Variants in FBRSL1 observed in about 807,000 individuals in gnomAD.
FBRSL1 encodes the protein fibrosin-1-like protein.
FBRSL1 carries 51 observed loss-of-function variants against 89.6 expected under a neutral mutation model. The ratio of observed to expected loss-of-function variants is 0.57; its 90% CI spans 0.45 to 0.72. The LOEUF (loss-of-function observed/expected upper bound fraction) is 0.72, where lower values mean the gene tolerates loss of function less well. Ranked by LOEUF, FBRSL1 falls within the 30% of genes least tolerant of loss-of-function variation. FBRSL1 has a pLI of 0.00. For missense variants in FBRSL1, 1,618 were observed against 1,451.8 expected (o/e 1.11, Z -1.86); for synonymous variants, 779 against 681.1 (o/e 1.14, Z -2.24).
intron 2 of FBRSL1, chr12:132,509,094 G>C: frequency 5.7e-6 from 7 of 1,231,750 alleles, no homozygotes; most frequent in Non-Finnish European, 7.1e-6. Flanking sequence ...TGCCTCCTGG[G>C]CCCGGGCTGG....
intron 15 of FBRSL1, among the ~76,000 whole-genome samples, chr12:132,579,061 C>T (rs2040574611): frequency 6.6e-6 from 1 of 152,214 alleles, no homozygotes. Flanking sequence ...CCTCCCCTTC[C>T]CTCCTCTGGA....
intron 2 of FBRSL1, chr12:132,509,610 C>T (rs938636829): frequency 8.9e-6 from 11 of 1,231,580 alleles, no homozygotes; most frequent in African/African-American, 4.7e-5. Context: ...CCTGGCCCCA[C>T]GGTCCCTCCT....
Position 132,583,203 on chromosome 12 carries a change from G to T in FBRSL1, c.2434G>T (p.Val812Leu). 1 of 1,445,868 alleles carries T rather than the reference G, an allele frequency of 6.9e-7. No individual in the cohort carries two copies. Among genetic ancestry groups the T allele is most frequent in the Non-Finnish European group, 9.1e-7 (1 of 1,102,366 alleles). 89.6% of individuals were successfully genotyped at this position (1,445,868 alleles called of 1,614,324 possible). A position where few individuals can be genotyped will look rare whatever the true frequency, so the allele number is the denominator to read the frequency against. The change falls in exon 19 of 19, where the codon GTG (valine) becomes TTG (leucine). Residue 812 changes from valine (V) to leucine (L), a missense_variant. By Grantham distance (32) the Val-to-Leu change is conservative. Coordinates refer to ENST00000680143, the MANE Select transcript of FBRSL1 (RefSeq NM_001367871.1). ...PPHSKAAPGD[V>L]KVKEERGEDE... ...CCACAGCAAGGCGGCCCCTGGAGAC[G>T]TGAAGGTCAAGGAGGAGCGCGGGGA...
intron 1 of FBRSL1, among the ~76,000 whole-genome samples, chr12:132,498,231 CAGTG>C (rs1037155328): frequency 1.3e-5 from 2 of 152,166 alleles, no homozygotes; most frequent in African/African-American, 4.8e-5. Flanking sequence ...CCCTCGCTCA[CAGTG>C]AGGCCTGTGT....
intron 1 of FBRSL1, among the ~76,000 whole-genome samples, chr12:132,491,164 G>A (rs2030861851): frequency 6.6e-6 from 1 of 152,250 alleles, no homozygotes; most frequent in Non-Finnish European, 1.5e-5. Flanking sequence ...TTTATCAGTT[G>A]TGTTTCTGTG....
intron 5 of FBRSL1, among the ~76,000 whole-genome samples, chr12:132,558,450 A>G (rs1214421044): frequency 6.6e-6 from 1 of 152,276 alleles, no homozygotes; most frequent in Non-Finnish European, 1.5e-5. Flanking sequence ...TGCGCCCGGA[A>G]GTGCCTATGT....
chr12:132,519,960 G>A (rs2035199171), intron 2 of FBRSL1, among the ~76,000 whole-genome samples: 1 of 150,896 alleles, frequency 6.6e-6, no homozygotes, highest in African/African-American at 2.4e-5. Context: ...TTGAGTATGT[G>A]TGGAAGAGAG....
chr12:132,492,418 G>A (rs1023081938), intron 1 of FBRSL1, among the ~76,000 whole-genome samples: 9 of 151,984 alleles, frequency 5.9e-5, no homozygotes, highest in Admixed American at 2.0e-4. Context: ...CTCCATTTTC[G>A]TCTCCCACAA....
At chr12:132,504,309 G>A (rs886237315) in intron 1 of FBRSL1, among the ~76,000 whole-genome samples, 1 of 152,228 alleles carries the variant, frequency 6.6e-6, no homozygotes, top group African/African-American at 2.4e-5. Context: ...GTTCACTGTA[G>A]CGTGATTAGG....
At chr12:132,552,814 C>T (rs935447034) in intron 5 of FBRSL1, 1 of 167,460 alleles carries the variant, frequency 6.0e-6, no homozygotes, top group Non-Finnish European at 1.3e-5. Context: ...CGTGGACACT[C>T]ACCCCGCAGG....
rs148248872 is a variant in FBRSL1, at chr12:132,535,886, G to A, written c.615+7898G>A. 8.7e-3 allele frequency among the ~76,000 whole-genome samples: 1,305 copies of A among 150,468 alleles called. 24 individuals are homozygous for A. Among genetic ancestry groups the A allele is most frequent in the African/African-American group, 0.031 (1,239 of 40,588 alleles). ...TGTCCATGATGGTGTGAGTGCACGT[G>A]TCCATGGTGTGTGAGTGCACGTGTG... On this transcript the variant is annotated intron_variant, in intron 4 of 18. Transcript: ENST00000680143.
At chr12:132,525,844 G>T in intron 3 of FBRSL1, 21 bp downstream of exon 3, 1 of 1,534,360 alleles carries the variant, frequency 6.5e-7, no homozygotes. Context: ...AGCTGCCCGC[G>T]CCCGGAGGCT....
At chr12:132,551,113 A>G (rs1381880256) in intron 5 of FBRSL1, 8 of 333,502 alleles carry the variant, frequency 2.4e-5, no homozygotes, top group South Asian at 1.4e-4. Context: ...CAGGAGGGAC[A>G]GAGCCCTGCA....
chr12:132,541,255 C>G (rs2037243118), intron 4 of FBRSL1, among the ~76,000 whole-genome samples: 1 of 152,214 alleles, frequency 6.6e-6, no homozygotes, highest in Non-Finnish European at 1.5e-5. Flanking sequence ...ACACCCCTAC[C>G]CTGAGGCACG....
At chr12:132,558,177 A>T (rs1174933161) in intron 5 of FBRSL1, among the ~76,000 whole-genome samples, 1 of 151,916 alleles carries the variant, frequency 6.6e-6, no homozygotes, top group Non-Finnish European at 1.5e-5. Flanking sequence ...GCCTGACCTT[A>T]ACCCTGACTT....
At position 132,567,139 on chromosome 12, in the gene FBRSL1, G is replaced by T. The variant is rs2039682940; in HGVS notation, c.646-342G>T. ...CAGCTACTGGTGCTGGTTCTCCTGG[G>T]AGGGGTGCAGATTTGCCAAATGCCG... On this transcript the variant is annotated intron_variant, in intron 5 of 18. Transcript: ENST00000680143. 2.6e-5 allele frequency among the ~76,000 whole-genome samples: 4 copies of T among 152,332 alleles called. No homozygotes were observed. In the South Asian group the frequency reaches 8.3e-4, roughly 32 times the overall value.
chr12:132,515,135 C>T (rs2034720688), intron 2 of FBRSL1, among the ~76,000 whole-genome samples: 1 of 152,172 alleles, frequency 6.6e-6, no homozygotes, highest in African/African-American at 2.4e-5. Flanking sequence ...TCTACCTCAT[C>T]GGCTCTATGG....
chr12:132,500,804 A>T (rs1029649362), intron 1 of FBRSL1, among the ~76,000 whole-genome samples: 1 of 152,118 alleles, frequency 6.6e-6, no homozygotes. Flanking sequence ...GTGTCCTCAC[A>T]GGGAGCTCAG....
chr12:132,491,642 C>G (rs999246752), intron 1 of FBRSL1, among the ~76,000 whole-genome samples: 1 of 152,252 alleles, frequency 6.6e-6, no homozygotes, highest in African/African-American at 2.4e-5. Context: ...CCATTTCCAA[C>G]CCCTCTCACT....
Sources: gnomAD v4.1 joint callset for allele counts (sites outside exome capture counted in the v4.1 genomes callset) on GRCh38, gnomAD v4.1.1 for gene constraint, MANE v1.5 for transcripts, NCBI Gene and HGNC (gene_info 2026-07-23, HGNC 2026-07-21) for gene names.